The following GALNT17 variants were observed in gnomAD, a reference collection of about 807,000 sequenced individuals.
GALNT17 encodes polypeptide N-acetylgalactosaminyltransferase 17.
A neutral mutation model predicts 63.7 loss-of-function variants in GALNT17; 29 were observed. The ratio of observed to expected loss-of-function variants is 0.46; its 90% confidence interval spans 0.34 to 0.62. GALNT17 has a LOEUF of 0.62. Ranked by LOEUF, GALNT17 falls within the 20% of genes least tolerant of loss-of-function variation. The pLI is 0.01. For missense variants in GALNT17, 603 were observed against 799.6 expected, an observed-to-expected ratio of 0.75 and a Z score of 2.97; for synonymous variants, 305 against 318.3, an observed-to-expected ratio of 0.96 and a Z score of 0.45.
intron 1 of GALNT17, among the ~76,000 whole-genome samples, chr7:71,276,725 T>C (rs994882018): frequency 1.3e-5 from 2 of 152,140 alleles, no homozygotes; most frequent in African/African-American, 4.8e-5. Flanking sequence ...CGGCCGGGTA[T>C]GGTTGCTCAC....
At chr7:71,366,833 T>A (rs1488129959) in intron 2 of GALNT17, among the ~76,000 whole-genome samples, 1 of 152,188 alleles carries the variant, frequency 6.6e-6, no homozygotes, top group Non-Finnish European at 1.5e-5. Flanking sequence ...GTAAGACCAG[T>A]CTTCATTTGT....
At chr7:71,223,323 G>A (rs1789621463) in intron 1 of GALNT17, among the ~76,000 whole-genome samples, 1 of 152,058 alleles carries the variant, frequency 6.6e-6, no homozygotes, top group Non-Finnish European at 1.5e-5. Flanking sequence ...AGGAAGAATT[G>A]TCCCTTCTAT....
At chr7:71,407,008 A>C (rs1793339820) in intron 3 of GALNT17, among the ~76,000 whole-genome samples, 1 of 152,206 alleles carries the variant, frequency 6.6e-6, no homozygotes, top group African/African-American at 2.4e-5. Flanking sequence ...TCTGTGCCAA[A>C]CTCTGCGTTG....
chr7:71,196,187 G>T (rs1789045762), intron 1 of GALNT17, among the ~76,000 whole-genome samples: 1 of 151,906 alleles, frequency 6.6e-6, no homozygotes, highest in Non-Finnish European at 1.5e-5. Flanking sequence ...CGCCTAGGCT[G>T]GAGTGCAGTG....
intron 8 of GALNT17, among the ~76,000 whole-genome samples, chr7:71,674,748 C>T (rs2117062550): frequency 6.6e-6 from 1 of 152,308 alleles, no homozygotes; most frequent in South Asian, 2.1e-4. Flanking sequence ...CACTCCTGAC[C>T]TTAAGCAATC....
At chr7:71,402,440 A>G (rs1213222034) in intron 3 of GALNT17, among the ~76,000 whole-genome samples, 1 of 152,128 alleles carries the variant, frequency 6.6e-6, no homozygotes, top group Non-Finnish European at 1.5e-5. Flanking sequence ...ATGTGCAGAG[A>G]TTTTTTTCCC....
intron 5 of GALNT17, among the ~76,000 whole-genome samples, chr7:71,483,804 A>G (rs1180040424): frequency 6.6e-6 from 1 of 152,184 alleles, no homozygotes; most frequent in African/African-American, 2.4e-5. Context: ...CTTAAAACAC[A>G]TTGTACAGCT....
intron 3 of GALNT17, among the ~76,000 whole-genome samples, chr7:71,412,375 C>CT (rs529402267): frequency 0.095 from 13,799 of 145,672 alleles, 717 homozygotes; most frequent in Middle Eastern, 0.17. Context: ...CATCATCTCC[C>CT]TTTTTTTTTT....
rs1456842701 is a variant in GALNT17 at position 71,574,516 on chromosome 7, A to G, written c.1080+3114A>G. 2.0e-5 allele frequency among the ~76,000 whole-genome samples: 3 copies of G among 152,284 alleles called. No individual in the cohort carries two copies. In the East Asian group the frequency reaches 5.8e-4, roughly 29 times the overall value. ...CTCTTAACTTTCCATAGACCACATC[A>G]TCCTGCAGGCTGCAAGGTGATCTTG... On this transcript the variant is annotated intron_variant, in intron 6 of 10. Transcript: ENST00000333538.
chr7:71,390,287 G>A (rs1793026739), intron 3 of GALNT17, among the ~76,000 whole-genome samples: 1 of 152,132 alleles, frequency 6.6e-6, no homozygotes, highest in Non-Finnish European at 1.5e-5. Context: ...AGGAGCACAG[G>A]AATGAGCCTC....
intron 1 of GALNT17, among the ~76,000 whole-genome samples, chr7:71,183,722 C>A (rs1562893428): frequency 6.6e-6 from 1 of 150,568 alleles, no homozygotes; most frequent in Non-Finnish European, 1.5e-5. Context: ...CATGGTGAAA[C>A]CCCCACTGTA....
At position 71,362,394 on chromosome 7, in the gene GALNT17, C is replaced by T. The variant is rs537040503; in HGVS notation, c.423-25841C>T. Among the ~76,000 whole-genome samples, 6 of 152,264 alleles carry T rather than the reference C, an allele frequency of 3.9e-5. No individual in the cohort carries two copies. In the South Asian group the frequency reaches 8.3e-4, roughly 21 times the overall value. The stretch of plus-strand genomic sequence containing the variant: ...AACATATTACACCAAATGTACTTAA[C>T]AGCAATTAGAATGTTTGCCGCCTGC... On this transcript the variant is annotated intron_variant, in intron 2 of 10. Coordinates refer to ENST00000333538, the MANE Select transcript of GALNT17 (RefSeq NM_022479.3).
intron 5 of GALNT17, among the ~76,000 whole-genome samples, chr7:71,428,364 T>C (rs1786798574): frequency 6.6e-6 from 1 of 152,186 alleles, no homozygotes; most frequent in South Asian, 2.1e-4. Context: ...TTTTTGTTTC[T>C]GGCTTCTTTT....
At chr7:71,293,657 C>T (rs1791024145) in intron 1 of GALNT17, among the ~76,000 whole-genome samples, 1 of 152,114 alleles carries the variant, frequency 6.6e-6, no homozygotes, top group Non-Finnish European at 1.5e-5. Flanking sequence ...TTTTGTTTGT[C>T]TGAGGAGGAC....
At chr7:71,382,146 G>A (rs1040324722) in intron 2 of GALNT17, among the ~76,000 whole-genome samples, 6 of 152,148 alleles carry the variant, frequency 3.9e-5, no homozygotes, top group African/African-American at 9.7e-5. Flanking sequence ...TTGGGAGGCC[G>A]AGGTGGGCAG....
At chr7:71,163,718 A>G (rs1488107031) in intron 1 of GALNT17, among the ~76,000 whole-genome samples, 1 of 152,244 alleles carries the variant, frequency 6.6e-6, no homozygotes, top group Non-Finnish European at 1.5e-5. Flanking sequence ...GACTTCTTTC[A>G]GAAACACCAA....
At chr7:71,235,875 G>T (rs993427528) in intron 1 of GALNT17, among the ~76,000 whole-genome samples, 1 of 152,132 alleles carries the variant, frequency 6.6e-6, no homozygotes, top group Non-Finnish European at 1.5e-5. Context: ...TGCATCTCCT[G>T]TGCCATTTAA....
chr7:71,266,884 G>A (rs1790500773), intron 1 of GALNT17, among the ~76,000 whole-genome samples: 1 of 152,126 alleles, frequency 6.6e-6, no homozygotes, highest in Admixed American at 6.5e-5. Context: ...AAAAATTGGT[G>A]AGAATTTAGT....
At chr7:71,464,017 C>T (rs917115408) in intron 5 of GALNT17, among the ~76,000 whole-genome samples, 11 of 152,182 alleles carry the variant, frequency 7.2e-5, no homozygotes, top group Admixed American at 2.6e-4. Context: ...TTCACCCAGC[C>T]CCTATTCAAG....
Sources: allele counts gnomAD v4.1 joint callset (sites outside exome capture counted in the v4.1 genomes callset), GRCh38; gene constraint gnomAD v4.1.1; transcripts MANE v1.5; gene names NCBI Gene and HGNC (gene_info 2026-07-23, HGNC 2026-07-21).